TUFT1: variants seen among roughly 807,000 people sequenced by gnomAD.
TUFT1 encodes tuftelin.
In TUFT1, 43 loss-of-function variants were observed where a neutral mutation model predicts 57.8. That is an observed-to-expected ratio of 0.74 (90% CI 0.58 to 0.96). The LOEUF is 0.96. Among genes scored for constraint, TUFT1 ranks in the 40% least tolerant of loss-of-function variants. The pLI is 0.00. For missense variants in TUFT1, 459 were observed against 489.0 expected, an observed-to-expected ratio of 0.94 and a Z score of 0.58; for synonymous variants, 166 against 176.7, an observed-to-expected ratio of 0.94 and a Z score of 0.48.
chr1:151,573,443 A>G (rs1319297608), intron 7 of TUFT1, among the ~76,000 whole-genome samples: 4 of 152,224 alleles, frequency 2.6e-5, no homozygotes, highest in African/African-American at 7.2e-5. Flanking sequence ...TTCTGCTTCT[A>G]TCCTCTAAAT....
chr1:151,574,182 C>T (rs1477876789), intron 7 of TUFT1, 88 bp from the exon 8 acceptor site: 12 of 1,522,066 alleles, frequency 7.9e-6, no homozygotes, highest in Non-Finnish European at 1.1e-5. Flanking sequence ...TCCAGAGCCG[C>T]CCAGGTTCCT....
At chr1:151,564,492 C>T (rs747900109) in intron 4 of TUFT1, 33 bp from the exon 5 acceptor site, 24 of 1,566,664 alleles carry the variant, frequency 1.5e-5, no homozygotes, top group Middle Eastern at 1.7e-4. Flanking sequence ...TTTCTCTACC[C>T]TAAAGCTCAA....
At chr1:151,564,745 G>T in intron 5 of TUFT1, 131 bp downstream of exon 5, 1 of 754,728 alleles carries the variant, frequency 1.3e-6, no homozygotes, top group Non-Finnish European at 2.2e-6. Flanking sequence ...TAGAGGTGAT[G>T]CTGGCTTCTC....
chr1:151,562,029 G>A, intron 1 of TUFT1, 62 bp from the exon 2 acceptor site: 1 of 1,539,988 alleles, frequency 6.5e-7, no homozygotes, highest in Non-Finnish European at 9.0e-7. Flanking sequence ...TGTACTGGTA[G>A]CAGTTTGTAC....
chr1:151,551,218 C>T (rs1665496824), intron 1 of TUFT1, among the ~76,000 whole-genome samples: 1 of 152,198 alleles, frequency 6.6e-6, no homozygotes, highest in African/African-American at 2.4e-5. Context: ...TCCTCTGCTA[C>T]TTTTCTGTGT....
rs755268186 is a variant in TUFT1, at chr1:151,566,209, T to C, written c.461T>C (p.Leu154Pro). ...GGCTTTAGTCAGAGTCCCACAGCCC[T>C]GTACAGCAGCCCACCTGAGGTAGGT... is the stretch of plus-strand genomic sequence containing the variant. ...PNGFSQSPTA[L>P]YSSPPEVDTC... Residue 154 changes from leucine (L) to proline (P), a missense_variant, in exon 6 of 13, where the codon CTG (leucine) becomes CCG (proline). By Grantham distance (98) the Leu-to-Pro change is moderately conservative. Transcript: ENST00000368849. 2.5e-6 allele frequency: 4 copies of C among 1,611,868 alleles called. No homozygotes were observed. In the Admixed American group the frequency reaches 5.0e-5, roughly 20 times the overall value.
chr1:151,578,017 C>G (rs1363199970), intron 9 of TUFT1, among the ~76,000 whole-genome samples: 1 of 151,190 alleles, frequency 6.6e-6, no homozygotes, highest in Non-Finnish European at 1.5e-5. Context: ...CAGAGTGAGA[C>G]CCTGTCTCCG....
intron 1 of TUFT1, chr1:151,557,966 A>C: frequency 1.7e-6 from 1 of 574,628 alleles, no homozygotes; most frequent in Non-Finnish European, 3.3e-6. Context: ...TTTTGCATTG[A>C]ATAAACTTAC....
At chr1:151,563,238 T>C (rs1230234538) in intron 3 of TUFT1, among the ~76,000 whole-genome samples, 1 of 151,662 alleles carries the variant, frequency 6.6e-6, no homozygotes. Context: ...CTCTCTCTCT[T>C]TTTTTTTATA....
intron 3 of TUFT1, 146 bp from the exon 4 acceptor site, chr1:151,563,758 T>G (rs1022425291): frequency 4.0e-5 from 27 of 681,386 alleles, no homozygotes; most frequent in Non-Finnish European, 6.7e-5. Context: ...AAATATATTT[T>G]TAGGTCTTCT....
At chr1:151,559,472 G>T (rs900840841) in intron 1 of TUFT1, among the ~76,000 whole-genome samples, 1 of 152,170 alleles carries the variant, frequency 6.6e-6, no homozygotes, top group Non-Finnish European at 1.5e-5. Flanking sequence ...GGGAAGAATA[G>T]ATATTTAAGG....
intron 11 of TUFT1, 117 bp from the exon 12 acceptor site, chr1:151,580,825 T>C: frequency 1.2e-6 from 1 of 844,272 alleles, no homozygotes; most frequent in East Asian, 2.5e-5. Flanking sequence ...GCACGCATGG[T>C]GGGGGTAGAG....
intron 1 of TUFT1, among the ~76,000 whole-genome samples, chr1:151,559,833 G>A (rs1468520138): frequency 2.6e-5 from 4 of 151,888 alleles, no homozygotes; most frequent in Non-Finnish European, 4.4e-5. Context: ...TCACTCTGTC[G>A]TCCAGGCTGG....
chr1:151,544,841 A>C (rs1019490936), intron 1 of TUFT1, among the ~76,000 whole-genome samples: 2 of 152,200 alleles, frequency 1.3e-5, no homozygotes, highest in African/African-American at 4.8e-5. Flanking sequence ...TAATATGCTT[A>C]CAGTGATTTT....
At chr1:151,577,865 A>AT (rs869228209) in intron 9 of TUFT1, among the ~76,000 whole-genome samples, 1 of 151,468 alleles carries the variant, frequency 6.6e-6, no homozygotes, top group African/African-American at 2.4e-5. Context: ...TACAAAAAAA[A>AT]TTTTTTTTTA....
intron 5 of TUFT1, 111 bp downstream of exon 5, chr1:151,564,725 A>G (rs557545393): frequency 7.8e-6 from 7 of 898,520 alleles, no homozygotes; most frequent in South Asian, 3.0e-5. Flanking sequence ...CCTGCCAGGA[A>G]TGGAGAAAAT....
intron 1 of TUFT1, chr1:151,561,862 C>T: frequency 1.3e-6 from 2 of 1,496,670 alleles, no homozygotes; most frequent in South Asian, 2.4e-5. Flanking sequence ...GCCAGGTAAT[C>T]TTTGTTGTGA....
chr1:151,562,566 C>G lies in TUFT1; in HGVS notation c.136-19C>G. ...GCCATCTCTCTCTCTCTCTCTCTCT[C>G]TCATCTCTCTTTGGCCAGGCGGGCA... is the stretch of plus-strand genomic sequence containing the variant. On this transcript the variant is annotated intron_variant, in intron 2 of 12. Transcript: ENST00000368849. 2.0e-5 allele frequency: 31 copies of G among 1,583,872 alleles called. No homozygotes were observed. Among genetic ancestry groups the G allele is most frequent in the Non-Finnish European group, 2.6e-5 (30 of 1,155,506 alleles).
chr1:151,576,484 C>T (rs1666465875), intron 9 of TUFT1, among the ~76,000 whole-genome samples: 1 of 152,198 alleles, frequency 6.6e-6, no homozygotes, highest in African/African-American at 2.4e-5. Context: ...GCCCCTGCTT[C>T]AGATGCCAGT....
Sources: gnomAD v4.1 joint callset for allele counts (sites outside exome capture counted in the v4.1 genomes callset) on GRCh38, gnomAD v4.1.1 for gene constraint, MANE v1.5 for transcripts, NCBI Gene and HGNC (gene_info 2026-07-23, HGNC 2026-07-21) for gene names.